The following TTC28 variants were observed in gnomAD, a reference collection of about 807,000 sequenced individuals.
TTC28 encodes tetratricopeptide repeat protein 28.
In TTC28, 61 loss-of-function variants were observed where a neutral mutation model predicts 198.0. That is an observed-to-expected ratio of 0.31 (90% CI 0.25 to 0.38). TTC28 has a LOEUF of 0.38. Among genes scored for constraint, TTC28 ranks in the 10% least tolerant of loss-of-function variants. TTC28 has a pLI of 1.00. For missense variants in TTC28, 2,678 were observed against 3,164.0 expected (o/e 0.85, Z 3.69); for synonymous variants, 1,171 against 1,297.8 (o/e 0.90, Z 2.10).
chr22:28,138,271 CT>C (rs1418386233), intron 6 of TTC28, among the ~76,000 whole-genome samples: 1 of 152,094 alleles, frequency 6.6e-6, no homozygotes, highest in Non-Finnish European at 1.5e-5. Context: ...CTGTCGAAAG[CT>C]GTTAGAACTC....
At position 27,982,764 on chromosome 22, in the gene TTC28, T is replaced by C; in HGVS notation, c.6903A>G (p.Lys2301=). ...PSSPYSAHIS[K]SPRNMSPSSG... The stretch of plus-strand genomic sequence containing the variant: ...AGCTTGGGGACATGTTCCTTGGTGA[T>C]TTGGAAATGTGAGCGCTGTAAGGAG... Residue 2301 remains lysine, a synonymous_variant, in exon 23 of 23, where the codon AAA becomes AAG. Coordinates refer to ENST00000397906, the MANE Select transcript of TTC28 (RefSeq NM_001145418.2). The surrounding 1 kb of genome is among the most constrained non-coding windows in gnomAD (Gnocchi z 5.2). 1 of 1,549,946 alleles carries C rather than the reference T, an allele frequency of 6.5e-7. No homozygotes were observed. Among genetic ancestry groups the C allele is most frequent in the Non-Finnish European group, 8.7e-7 (1 of 1,145,908 alleles).
intron 2 of TTC28, among the ~76,000 whole-genome samples, chr22:28,332,886 G>T (rs756452022): frequency 5.3e-5 from 8 of 152,022 alleles, no homozygotes; most frequent in Non-Finnish European, 1.0e-4. Context: ...AACTAATTCA[G>T]CTGGAAATAA....
chr22:28,496,769 C>G (rs950002010), intron 2 of TTC28, among the ~76,000 whole-genome samples: 3 of 152,062 alleles, frequency 2.0e-5, no homozygotes, highest in African/African-American at 7.2e-5. Flanking sequence ...CACTCCTCCG[C>G]TTAGAAGATT....
intron 2 of TTC28, among the ~76,000 whole-genome samples, chr22:28,553,291 T>C (rs1351709148): frequency 1.4e-5 from 2 of 144,438 alleles, no homozygotes; most frequent in Non-Finnish European, 3.0e-5. Context: ...CTGCCCAGTC[T>C]GGAAAGTGAG....
chr22:28,643,914 T>C (rs959501936), intron 1 of TTC28, among the ~76,000 whole-genome samples: 2 of 152,194 alleles, frequency 1.3e-5, no homozygotes, highest in Non-Finnish European at 2.9e-5. Flanking sequence ...ATAGGTACTA[T>C]TATTATCTCT....
intron 2 of TTC28, among the ~76,000 whole-genome samples, chr22:28,522,570 T>C (rs971595551): frequency 6.7e-6 from 1 of 149,048 alleles, no homozygotes; most frequent in African/African-American, 2.5e-5. Context: ...TTGTAAATAA[T>C]AGAACTGAAA....
chr22:28,101,125 T>A (rs1292980715), intron 9 of TTC28, 46 bp downstream of exon 9: 2 of 1,417,828 alleles, frequency 1.4e-6, no homozygotes, highest in African/African-American at 2.9e-5. Context: ...AAGTCTCCCA[T>A]GCTTCTGGAA....
At chr22:28,147,211 T>C (rs1943489581) in intron 6 of TTC28, among the ~76,000 whole-genome samples, 1 of 152,218 alleles carries the variant, frequency 6.6e-6, no homozygotes, top group African/African-American at 2.4e-5. Context: ...ATGCAGAAAC[T>C]GGTTCTCAGT....
chr22:28,603,449 A>G (rs2050676228), intron 2 of TTC28, among the ~76,000 whole-genome samples: 2 of 152,056 alleles, frequency 1.3e-5, no homozygotes, highest in Admixed American at 6.6e-5. Context: ...GTGCAATGGC[A>G]CAATCATGGC....
intron 5 of TTC28, among the ~76,000 whole-genome samples, chr22:28,279,197 C>A (rs1169165750): frequency 6.6e-6 from 1 of 152,142 alleles, no homozygotes; most frequent in Non-Finnish European, 1.5e-5. Flanking sequence ...TATAACATAT[C>A]TATACATCTT....
At chr22:28,159,876 T>G (rs753736043) in intron 6 of TTC28, among the ~76,000 whole-genome samples, 1 of 152,198 alleles carries the variant, frequency 6.6e-6, no homozygotes, top group African/African-American at 2.4e-5. Context: ...GGAGTACTAT[T>G]CAGCCATAGA....
At chr22:28,049,630 C>G (rs564239737) in intron 12 of TTC28, among the ~76,000 whole-genome samples, 1 of 152,046 alleles carries the variant, frequency 6.6e-6, no homozygotes, top group Admixed American at 6.6e-5. Flanking sequence ...CATGATGGCC[C>G]CACTGAACTT....
intron 2 of TTC28, among the ~76,000 whole-genome samples, chr22:28,381,088 C>A (rs1310293059): frequency 2.0e-5 from 3 of 148,594 alleles, no homozygotes; most frequent in African/African-American, 7.5e-5. Flanking sequence ...GGAGGCTGAA[C>A]TAGAAAAACA....
intron 5 of TTC28, among the ~76,000 whole-genome samples, chr22:28,259,881 G>C (rs1046934911): frequency 6.6e-5 from 10 of 152,142 alleles, no homozygotes; most frequent in African/African-American, 2.2e-4. Context: ...ATTGCAAGGA[G>C]AGGAGGAAAA....
At chr22:28,299,519 A>G (rs9613589) in intron 3 of TTC28, among the ~76,000 whole-genome samples, 9,212 of 152,258 alleles carry the variant, frequency 0.061, 384 homozygotes, top group Admixed American at 0.14. Context: ...GGTAAACACT[A>G]GCTAACCAAT....
Position 28,279,434 on chromosome 22 carries a change from A to C in TTC28, c.933+16764T>G, listed in dbSNP as rs556904771. Among the ~76,000 whole-genome samples, 30 of 152,102 alleles carry C rather than the reference A, an allele frequency of 2.0e-4. No homozygotes were observed. In the East Asian group the frequency reaches 5.8e-3, roughly 29 times the overall value. ...CACCCAGGCTGGAGTGCAATGGTGC[A>C]ATCTTGGCTCACTGCAACCTCCTCT... On this transcript the variant is annotated intron_variant, in intron 5 of 22. Transcript: ENST00000397906.
At chr22:28,631,959 AT>A (rs2051180274) in intron 1 of TTC28, among the ~76,000 whole-genome samples, 1 of 152,102 alleles carries the variant, frequency 6.6e-6, no homozygotes, top group Admixed American at 6.6e-5. Flanking sequence ...AACAAAAAGT[AT>A]TTTTTTCCCT....
chr22:28,429,250 C>T (rs1460975378), intron 2 of TTC28, among the ~76,000 whole-genome samples: 1 of 152,184 alleles, frequency 6.6e-6, no homozygotes, highest in Non-Finnish European at 1.5e-5. Flanking sequence ...ATCTCACTAC[C>T]TCTGCCTGAT....
chr22:28,661,214 G>A (rs1426632101), intron 1 of TTC28, among the ~76,000 whole-genome samples: 1 of 152,020 alleles, frequency 6.6e-6, no homozygotes, highest in Non-Finnish European at 1.5e-5. Flanking sequence ...AACCCAGGAG[G>A]TGGAGGTTGC....
Sources: allele counts gnomAD v4.1 joint callset (sites outside exome capture counted in the v4.1 genomes callset), GRCh38; gene constraint gnomAD v4.1.1; non-coding constraint Gnocchi (gnomAD v3.1); transcripts MANE v1.5; gene names NCBI Gene and HGNC (gene_info 2026-07-23, HGNC 2026-07-21).